Variants in CCNT2 observed in about 807,000 individuals in gnomAD.
The protein encoded by CCNT2 is cyclin T2, also known as cyclin-T2.
A neutral mutation model predicts 70.0 loss-of-function variants in CCNT2; 18 were observed. The ratio of observed to expected loss-of-function variants is 0.26; its 90% CI spans 0.18 to 0.38. The LOEUF is 0.38. Ranked by LOEUF, CCNT2 falls within the 10% of genes least tolerant of loss-of-function variation. The probability of loss-of-function intolerance (pLI) is 1.00; values close to 1 mark genes in which losing one functional copy is unlikely to be tolerated. For missense variants in CCNT2, 734 were observed against 890.2 expected, an observed-to-expected ratio of 0.82 and a Z score of 2.23; for synonymous variants, 334 against 313.3, an observed-to-expected ratio of 1.07 and a Z score of -0.70.
In CCNT2 at chr2:134,954,439, T is replaced by G. The variant is rs1192193993; in HGVS notation, c.1984T>G (p.Phe662Val). 6.2e-7 allele frequency: 1 copy of G among 1,614,174 alleles called. No homozygotes were observed. Among genetic ancestry groups the G allele is most frequent in the South Asian group, 1.1e-5 (1 of 91,086 alleles). ...KQYISSHNSV[F>V]NHPLPPPPPV... Reference sequence around the variant, plus strand: ...GTATATATCCTCTCACAACTCTGTTTTTAACCATCCCTTACCCCCTCCTCC... The same window carrying G: ...GTATATATCCTCTCACAACTCTGTTGTTAACCATCCCTTACCCCCTCCTCC... Residue 662 changes from phenylalanine (F) to valine (V), a missense_variant, in exon 9 of 9, where the codon TTT becomes GTT. Phe to Val is a conservative substitution (Grantham distance 50). This residue lies in a region of CCNT2 where 532 missense variants were observed against 556.9 expected (regional missense o/e 0.96). Transcript: ENST00000264157.
At chr2:134,920,013 G>A (rs1004330502) in intron 2 of CCNT2, 122 bp downstream of exon 2, 1 of 609,592 alleles carries the variant, frequency 1.6e-6, no homozygotes, top group Non-Finnish European at 2.8e-6. Flanking sequence ...CGTATATCAC[G>A]TGATAAATAT....
At chr2:134,947,580 T>C in intron 6 of CCNT2, 156 bp from the exon 7 acceptor site, 1 of 433,122 alleles carries the variant, frequency 2.3e-6, no homozygotes, top group Non-Finnish European at 3.8e-6. Flanking sequence ...TACTAGAATT[T>C]TATAACTTAG....
intron 2 of CCNT2, among the ~76,000 whole-genome samples, chr2:134,929,613 C>CAGAGAGCGAGAGAGAGAG (rs1680576169): frequency 8.5e-6 from 1 of 117,620 alleles, no homozygotes; most frequent in Admixed American, 9.8e-5. Flanking sequence ...GTCTCAAAAA[C>CAGAGAGCGAGAGAGAGAG]AGAGAGAGAG....
chr2:134,930,850 C>T lies in CCNT2; in HGVS notation c.241-5991C>T, dbSNP rs1009350355. Among the ~76,000 whole-genome samples, 3 of 152,088 alleles carry T rather than the reference C, an allele frequency of 2.0e-5. No homozygotes were observed. The East Asian group carries it at 5.8e-4, about 29-fold the overall frequency. ...CATATCTAAGAAACCTTTACCTAAACTAGAGTCATAAAGATTTATTTGTCT... is the reference window on the plus strand; with the variant it reads ...CATATCTAAGAAACCTTTACCTAAATTAGAGTCATAAAGATTTATTTGTCT... On this transcript the variant is annotated intron_variant, in intron 2 of 8. Coordinates refer to ENST00000264157, the MANE Select transcript of CCNT2 (RefSeq NM_058241.3).
chr2:134,940,166 A>G (rs1296283339), intron 4 of CCNT2, among the ~76,000 whole-genome samples: 3 of 152,150 alleles, frequency 2.0e-5, no homozygotes, highest in Non-Finnish European at 4.4e-5. Context: ...ATCAGTCACA[A>G]TTTCCCATTG....
chr2:134,940,671 C>CG, intron 4 of CCNT2, among the ~76,000 whole-genome samples: 1 of 152,326 alleles, frequency 6.6e-6, no homozygotes, highest in Middle Eastern at 3.4e-3. Flanking sequence ...CACCTGTCAT[C>CG]TCTGAACAGT....
At chr2:134,949,529 A>G (rs1682274566) in intron 7 of CCNT2, among the ~76,000 whole-genome samples, 1 of 152,140 alleles carries the variant, frequency 6.6e-6, no homozygotes, top group Non-Finnish European at 1.5e-5. Flanking sequence ...TCTTTGTTTC[A>G]TCCTTTTCTA....
intron 4 of CCNT2, 120 bp from the exon 5 acceptor site, chr2:134,942,492 T>C: frequency 2.0e-6 from 1 of 493,670 alleles, no homozygotes; most frequent in Non-Finnish European, 3.5e-6. Context: ...ATGTCAGTGA[T>C]GAGAAACTTA....
chr2:134,949,952 G>A (rs1478799883), intron 7 of CCNT2, among the ~76,000 whole-genome samples: 3 of 151,940 alleles, frequency 2.0e-5, no homozygotes, highest in African/African-American at 2.4e-5. Context: ...CTGCCACCAC[G>A]CCTGGCTAAT....
At chr2:134,919,709 G>T in intron 1 of CCNT2, 101 bp from the exon 2 acceptor site, 1 of 859,694 alleles carries the variant, frequency 1.2e-6, no homozygotes, top group South Asian at 1.6e-5. Flanking sequence ...GTTTGGATTT[G>T]AATGGGAGGT....
intron 5 of CCNT2, chr2:134,942,939 C>T: frequency 1.0e-6 from 1 of 985,150 alleles, no homozygotes; most frequent in Non-Finnish European, 1.2e-6. Context: ...CTCTATCCAT[C>T]CCCCATTGAG....
intron 4 of CCNT2, among the ~76,000 whole-genome samples, chr2:134,940,419 C>G (rs1482861964): frequency 2.0e-5 from 3 of 152,016 alleles, no homozygotes; most frequent in Non-Finnish European, 4.4e-5. Flanking sequence ...TTATCATTTA[C>G]TGCCATAAAA....
intron 2 of CCNT2, among the ~76,000 whole-genome samples, chr2:134,931,891 G>A (rs1680798030): frequency 6.6e-6 from 1 of 151,988 alleles, no homozygotes. Context: ...GTATTTTTTA[G>A]TATTTATTGT....
chr2:134,942,295 C>T (rs1002005431), intron 4 of CCNT2, among the ~76,000 whole-genome samples: 7 of 151,790 alleles, frequency 4.6e-5, no homozygotes, highest in African/African-American at 9.7e-5. Flanking sequence ...AGTTGAATTC[C>T]GTCCTTAAAT....
chr2:134,937,846 A>G (rs991281962), intron 3 of CCNT2, among the ~76,000 whole-genome samples: 1 of 152,186 alleles, frequency 6.6e-6, no homozygotes, highest in African/African-American at 2.4e-5. Flanking sequence ...CCCAGGAGGC[A>G]GAGGTTGCGG....
Position 134,953,757 on chromosome 2 carries a change from G to T in CCNT2, c.1302G>T (p.Met434Ile). The T allele has an allele frequency of 6.2e-7, 1 of 1,614,040 alleles. No homozygotes were observed. Among genetic ancestry groups the T allele is most frequent in the Non-Finnish European group, 8.5e-7 (1 of 1,179,996 alleles). The change falls in exon 9 of 9, where the codon ATG becomes ATT. Residue 434 changes from methionine (M) to isoleucine (I), a missense_variant. By Grantham distance (10) the Met-to-Ile change is conservative. Transcript: ENST00000264157. ...STTPGIIPQK[M>I]SLDKYREKRK... The stretch of plus-strand genomic sequence containing the variant: ...CTCCAGGAATAATTCCTCAGAAAAT[G>T]TCTTTAGATAAATATAGAGAAAAGC...
Position 134,954,919 on chromosome 2 carries a change from G to T in CCNT2, c.*271G>T. 1 of 338,274 alleles carries T rather than the reference G, an allele frequency of 3.0e-6. No homozygotes were observed. The highest frequency in any genetic ancestry group is 5.4e-6 in the Non-Finnish European group (1 of 185,234). 21.0% of individuals were successfully genotyped at this position (338,274 alleles called of 1,614,324 possible). On this transcript the variant is annotated 3_prime_UTR_variant, in exon 9 of 9. Coordinates refer to ENST00000264157, the MANE Select transcript of CCNT2 (RefSeq NM_058241.3). The stretch of plus-strand genomic sequence containing the variant: ...TGCAGCTAAGAACATTAGGATGAAT[G>T]GCTGGCTGCTTCTAGGAATATAAGA...
At chr2:134,942,869 T>G (rs1681674071) in intron 5 of CCNT2, 195 bp downstream of exon 5, 2 of 1,368,912 alleles carry the variant, frequency 1.5e-6, no homozygotes, top group Non-Finnish European at 1.9e-6. Flanking sequence ...GTTAGCTTCC[T>G]TTAAACATAG....
chr2:134,936,473 G>A (rs1024411040), intron 2 of CCNT2, among the ~76,000 whole-genome samples: 6 of 152,154 alleles, frequency 3.9e-5, no homozygotes, highest in African/African-American at 1.4e-4. Flanking sequence ...GAAGGTTTGG[G>A]CTGGGTACAG....
Sources: gnomAD v4.1 joint callset for allele counts (sites outside exome capture counted in the v4.1 genomes callset) on GRCh38, gnomAD v4.1.1 for gene constraint, gnomAD v4.1.1 regional missense constraint, MANE v1.5 for transcripts, NCBI Gene and HGNC (gene_info 2026-07-23, HGNC 2026-07-21) for gene names.